Variants in PDE4B observed in about 807,000 individuals in gnomAD.
The protein encoded by PDE4B is 3',5'-cyclic-AMP phosphodiesterase 4B.
In PDE4B, 20 loss-of-function variants were observed where a neutral mutation model predicts 82.2. That is an observed-to-expected ratio of 0.24 (90% CI 0.17 to 0.35). The LOEUF (loss-of-function observed/expected upper bound fraction) is 0.35, where lower values mean the gene tolerates loss of function less well. Among genes scored for constraint, PDE4B ranks in the 10% least tolerant of loss-of-function variants. PDE4B has a pLI of 1.00. For synonymous variants in PDE4B, 320 were observed against 318.9 expected (o/e 1.00, Z -0.04); for missense variants, 655 against 907.2 (o/e 0.72, Z 3.57).
intron 3 of PDE4B, among the ~76,000 whole-genome samples, chr1:65,972,791 C>T (rs926472432): frequency 5.3e-5 from 8 of 152,074 alleles, no homozygotes; most frequent in African/African-American, 1.9e-4. Context: ...TGTAACTAGT[C>T]TTACTACAAG....
At chr1:66,222,129 C>T (rs551431170) in intron 3 of PDE4B, among the ~76,000 whole-genome samples, 17 of 152,266 alleles carry the variant, frequency 1.1e-4, no homozygotes, top group South Asian at 1.0e-3. Context: ...GTTATCATGA[C>T]GGCTGGAGGG....
intron 3 of PDE4B, among the ~76,000 whole-genome samples, chr1:65,936,296 G>T (rs1031889076): frequency 2.0e-5 from 3 of 151,706 alleles, no homozygotes; most frequent in Admixed American, 2.0e-4. Flanking sequence ...TATACATAAG[G>T]GTATATTATA....
At chr1:66,257,723 T>C in intron 5 of PDE4B, 40 bp downstream of exon 5, 1 of 1,610,902 alleles carries the variant, frequency 6.2e-7, no homozygotes, top group Middle Eastern at 1.7e-4. Flanking sequence ...TCACTGTCGC[T>C]GGTTTCTAAG....
At chr1:66,081,807 A>ACTCT (rs72513051) in intron 3 of PDE4B, among the ~76,000 whole-genome samples, 105 of 140,938 alleles carry the variant, frequency 7.5e-4, no homozygotes, top group African/African-American at 2.5e-3. Flanking sequence ...GAAAAGTAAA[A>ACTCT]CTCTCTCTCT....
intron 1 of PDE4B, among the ~76,000 whole-genome samples, chr1:65,895,434 C>G (rs200159310): frequency 4.0e-5 from 6 of 151,328 alleles, no homozygotes; most frequent in East Asian, 3.9e-4. Flanking sequence ...CCTGTAATCT[C>G]AGCTACTCAG....
At chr1:66,105,534 A>G (rs1645331228) in intron 3 of PDE4B, among the ~76,000 whole-genome samples, 1 of 152,292 alleles carries the variant, frequency 6.6e-6, no homozygotes, top group East Asian at 1.9e-4. Context: ...CTTGGGCAGT[A>G]TAGCCATTTT....
chr1:66,222,732 G>T (rs1651096050), intron 3 of PDE4B, among the ~76,000 whole-genome samples: 1 of 152,164 alleles, frequency 6.6e-6, no homozygotes, highest in Non-Finnish European at 1.5e-5. Flanking sequence ...TTGTAAGAAT[G>T]ATATGATATA....
chr1:66,060,020 T>C (rs1284555041), intron 3 of PDE4B, among the ~76,000 whole-genome samples: 1 of 152,206 alleles, frequency 6.6e-6, no homozygotes, highest in Non-Finnish European at 1.5e-5. Flanking sequence ...TTTAAGTAAG[T>C]CATTCTGTGA....
chr1:65,873,547 T>C (rs1646599407), intron 1 of PDE4B, among the ~76,000 whole-genome samples: 1 of 152,228 alleles, frequency 6.6e-6, no homozygotes, highest in Non-Finnish European at 1.5e-5. Context: ...TCTACAATTA[T>C]GTTGTACAAT....
intron 3 of PDE4B, among the ~76,000 whole-genome samples, chr1:65,949,382 G>C (rs958884008): frequency 6.6e-6 from 1 of 152,064 alleles, no homozygotes; most frequent in African/African-American, 2.4e-5. Context: ...TTTGTTTACT[G>C]TAGGCCTTTC....
At chr1:66,023,896 A>G (rs906589159) in intron 3 of PDE4B, among the ~76,000 whole-genome samples, 3 of 152,074 alleles carry the variant, frequency 2.0e-5, no homozygotes, top group African/African-American at 4.8e-5. Context: ...TTAGTACTTC[A>G]TTACTATATG....
At chr1:66,236,590 T>A (rs997685318) in intron 3 of PDE4B, among the ~76,000 whole-genome samples, 6 of 152,180 alleles carry the variant, frequency 3.9e-5, no homozygotes, top group African/African-American at 1.4e-4. Context: ...TTTTACTAGT[T>A]ATTTTTTGTT....
chr1:66,195,841 A>G (rs1456870631), intron 3 of PDE4B, among the ~76,000 whole-genome samples: 1 of 152,080 alleles, frequency 6.6e-6, no homozygotes, highest in Non-Finnish European at 1.5e-5. Context: ...AAGAAGCAGC[A>G]AAAACTATTT....
chr1:65,803,513 A>C (rs867381275), intron 1 of PDE4B, among the ~76,000 whole-genome samples: 4 of 152,222 alleles, frequency 2.6e-5, no homozygotes, highest in Admixed American at 1.3e-4. Flanking sequence ...CTTGCATTGA[A>C]ATATCACTGG....
rs77363711 is a variant in PDE4B at position 66,019,905 on chromosome 1, T to C, written c.281+101070T>C. Among the ~76,000 whole-genome samples the C allele has an allele frequency of 6.5e-3, 989 of 152,308 alleles. 14 individuals carry two copies. The highest frequency in any genetic ancestry group is 0.023 in the African/African-American group (951 of 41,562). On this transcript the variant is annotated intron_variant, in intron 3 of 16. Coordinates refer to ENST00000341517, the MANE Select transcript of PDE4B (RefSeq NM_002600.4). The stretch of plus-strand genomic sequence containing the variant: ...ACAGGAACTAAATGTACATCTCTTG[T>C]TCATTTGTAGACATCATTCAAGCCT...
rs57315098 is a variant in PDE4B, at chr1:66,372,881, A to G, written c.*203A>G. 3.4e-3 allele frequency: 1,879 copies of G among 558,592 alleles called. 29 individuals are homozygous for G. Among genetic ancestry groups the G allele is most frequent in the African/African-American group, 0.032 (1,693 of 53,408 alleles). 34.6% of individuals were successfully genotyped at this position (558,592 alleles called of 1,614,324 possible). On this transcript the variant is annotated 3_prime_UTR_variant, in exon 17 of 17. Coordinates refer to ENST00000341517, the MANE Select transcript of PDE4B (RefSeq NM_002600.4). Reference sequence around the variant, plus strand: ...CCACGGTTGACTTGCCTTGATGGCAAGCTTGGTGGAGAGGGCTGAAGCTGT... The same window carrying G: ...CCACGGTTGACTTGCCTTGATGGCAGGCTTGGTGGAGAGGGCTGAAGCTGT...
rs1450651347 is a variant in PDE4B, at chr1:65,913,228, G to GT, written c.-70-10dup. 23 of 1,137,656 alleles carry GT rather than the reference G, an allele frequency of 2.0e-5. No individual in the cohort carries two copies. The African/African-American group carries it at 3.4e-4, about 17-fold the overall frequency. 70.5% of individuals were successfully genotyped at this position (1,137,656 alleles called of 1,614,324 possible). The stretch of plus-strand genomic sequence containing the variant: ...GATACAGAGCTGTTCTTTTTTGTGT[G>GT]TTTTTTTCTCCTGTAGGTATTAAAA... On this transcript the variant is annotated splice_polypyrimidine_tract_variant and intron_variant, in intron 1 of 16. Transcript: ENST00000341517.
intron 3 of PDE4B, among the ~76,000 whole-genome samples, chr1:66,061,310 C>T (rs181191745): frequency 8.3e-4 from 125 of 150,260 alleles, no homozygotes; most frequent in African/African-American, 2.8e-3. Flanking sequence ...CCTGTAATAC[C>T]GTTATTAGAA....
intron 3 of PDE4B, among the ~76,000 whole-genome samples, chr1:65,977,284 C>T (rs939570831): frequency 1.3e-5 from 2 of 152,134 alleles, no homozygotes; most frequent in African/African-American, 2.4e-5. Context: ...ATATTTTAAA[C>T]AGGTTTAGAA....
Sources: allele counts gnomAD v4.1 joint callset (sites outside exome capture counted in the v4.1 genomes callset), GRCh38; gene constraint gnomAD v4.1.1; transcripts MANE v1.5; gene names NCBI Gene and HGNC (gene_info 2026-07-23, HGNC 2026-07-21).